The following ITPK1 variants were observed in gnomAD, a reference collection of about 807,000 sequenced individuals.
ITPK1 encodes the protein inositol-tetrakisphosphate 1-kinase, also known as inositol 1,3,4-trisphosphate 5/6-kinase.
Under a neutral mutation model 45.3 loss-of-function variants are expected in ITPK1, and 21 were observed. That is an observed-to-expected ratio of 0.46 (90% CI 0.33 to 0.67). The LOEUF (loss-of-function observed/expected upper bound fraction) is 0.67, where lower values mean the gene tolerates loss of function less well. Among genes scored for constraint, ITPK1 ranks in the 30% least tolerant of loss-of-function variants. ITPK1 has a pLI of 0.02. For synonymous variants in ITPK1, 258 were observed against 253.6 expected (o/e 1.02, Z -0.16); for missense variants, 474 against 573.5 (o/e 0.83, Z 1.77).
chr14:92,955,340 T>C (rs1019920147), intron 8 of ITPK1, among the ~76,000 whole-genome samples: 1 of 152,180 alleles, frequency 6.6e-6, no homozygotes, highest in African/African-American at 2.4e-5. Flanking sequence ...GAGGTACCAC[T>C]CATGCATGCC....
intron 5 of ITPK1, among the ~76,000 whole-genome samples, chr14:92,968,988 C>T (rs777698313): frequency 2.6e-5 from 4 of 152,136 alleles, no homozygotes; most frequent in Non-Finnish European, 5.9e-5. Context: ...TTTTGCATCC[C>T]GAGCTGCCCC....
chr14:93,052,498 A>G (rs573613537), intron 3 of ITPK1, among the ~76,000 whole-genome samples: 1 of 152,204 alleles, frequency 6.6e-6, no homozygotes, highest in African/African-American at 2.4e-5. Context: ...TGACCCAGGG[A>G]GGCCTGGTCT....
At chr14:93,090,615 G>C (rs28552716) in intron 2 of ITPK1, among the ~76,000 whole-genome samples, 3 of 152,060 alleles carry the variant, frequency 2.0e-5, no homozygotes. Flanking sequence ...GGTGGGCAAC[G>C]GGGGCTTTTC....
chr14:93,073,565 C>T (rs374016358), intron 3 of ITPK1, among the ~76,000 whole-genome samples: 1 of 152,350 alleles, frequency 6.6e-6, no homozygotes, highest in South Asian at 2.1e-4. Flanking sequence ...CATGACCAAC[C>T]GACCTCCGGT....
chr14:92,953,844 A>T (rs1331675868), intron 8 of ITPK1, among the ~76,000 whole-genome samples: 1 of 152,210 alleles, frequency 6.6e-6, no homozygotes, highest in East Asian at 1.9e-4. Flanking sequence ...GAAGAGCTGG[A>T]GTCCAGGACA....
chr14:93,021,332 C>T (rs1205093133), intron 3 of ITPK1, among the ~76,000 whole-genome samples: 2 of 152,040 alleles, frequency 1.3e-5, no homozygotes, highest in Admixed American at 1.3e-4. Flanking sequence ...GTGGCTTGTG[C>T]CTGTAATCCC....
At chr14:93,067,759 G>A (rs1229197612) in intron 3 of ITPK1, 1 of 152,450 alleles carries the variant, frequency 6.6e-6, no homozygotes, top group Non-Finnish European at 1.5e-5. Flanking sequence ...AGCACCTCAT[G>A]TATCATCATT....
At chr14:92,945,114 G>A (rs763361035) in intron 10 of ITPK1, among the ~76,000 whole-genome samples, 1 of 152,354 alleles carries the variant, frequency 6.6e-6, no homozygotes, top group South Asian at 2.1e-4. Context: ...GCCTCCTCCA[G>A]ACAGGGGTGA....
At chr14:93,064,769 T>A (rs1890680442) in intron 3 of ITPK1, among the ~76,000 whole-genome samples, 1 of 152,202 alleles carries the variant, frequency 6.6e-6, no homozygotes, top group Non-Finnish European at 1.5e-5. Flanking sequence ...GAAAGGGCTG[T>A]CTCTGCCTAC....
Position 92,937,135 on chromosome 14 carries a change from G to T in ITPK1, c.*4426C>A, listed in dbSNP as rs937675494. 4.6e-5 allele frequency: 7 copies of T among 152,262 alleles called. No homozygotes were observed. Among genetic ancestry groups the T allele is most frequent in the African/African-American group, 1.2e-4 (5 of 41,460 alleles). The allele number at this position is 152,262 out of a possible 1,614,324, so 9.4% of individuals were successfully genotyped here. A position where few individuals can be genotyped will look rare whatever the true frequency, so the allele number is the denominator to read the frequency against. ...TGTCCTAACCTCATGGAGTGAACAT[G>T]CGACCAGGCGAATGAGCCAATGGAC... On this transcript the variant is annotated 3_prime_UTR_variant, in exon 11 of 11. Transcript: ENST00000267615.
At chr14:92,962,977 C>A (rs1463125011) in intron 5 of ITPK1, 128 bp from the exon 6 acceptor site, 4 of 597,016 alleles carry the variant, frequency 6.7e-6, no homozygotes. Flanking sequence ...CCGTCCCCAA[C>A]CTCTGCAGTC....
At chr14:92,949,009 T>A (rs1329384561) in intron 9 of ITPK1, among the ~76,000 whole-genome samples, 3 of 151,244 alleles carry the variant, frequency 2.0e-5, no homozygotes, top group Non-Finnish European at 4.4e-5. Flanking sequence ...CTCAAGGCCT[T>A]GGTGTCGTAT....
rs553131528 is a variant in ITPK1 at position 92,984,262 on chromosome 14, C to T, written c.364+9618G>A. On this transcript the variant is annotated intron_variant, in intron 5 of 10. Transcript: ENST00000267615. ...ACTCAAGAACAGACCTGTGCAGGGC[C>T]GGAAGTGAGGGCGGCCAGAAGGCAC... Among the ~76,000 whole-genome samples the T allele has an allele frequency of 4.5e-4, 69 of 152,220 alleles. 1 individual carries two copies. The highest frequency in any genetic ancestry group is 1.4e-3 in the African/African-American group (60 of 41,516).
intron 4 of ITPK1, among the ~76,000 whole-genome samples, chr14:93,015,813 A>G (rs759639610): frequency 6.6e-6 from 1 of 152,196 alleles, no homozygotes; most frequent in East Asian, 1.9e-4. Context: ...GGGAGAGAAC[A>G]GTGTCGGCAG....
chr14:92,964,006 A>G (rs955250276), intron 5 of ITPK1, among the ~76,000 whole-genome samples: 2 of 152,212 alleles, frequency 1.3e-5, no homozygotes, highest in Non-Finnish European at 1.5e-5. Context: ...TTGGCTGGCT[A>G]GGAGGTCAGG....
intron 2 of ITPK1, among the ~76,000 whole-genome samples, chr14:93,085,328 G>A (rs1047700928): frequency 6.6e-6 from 1 of 152,180 alleles, no homozygotes; most frequent in Non-Finnish European, 1.5e-5. Context: ...TGACTGGGGA[G>A]TCACCAACCA....
chr14:92,984,224 A>G (rs1886379412), intron 5 of ITPK1, among the ~76,000 whole-genome samples: 1 of 152,192 alleles, frequency 6.6e-6, no homozygotes, highest in Non-Finnish European at 1.5e-5. Flanking sequence ...GGCCCCACAC[A>G]CTAATACAGG....
intron 8 of ITPK1, among the ~76,000 whole-genome samples, chr14:92,953,472 A>G (rs1194655496): frequency 2.6e-5 from 4 of 152,274 alleles, no homozygotes; most frequent in African/African-American, 7.2e-5. Context: ...TGGGGATGGC[A>G]TAAGCCCTGT....
rs1224027184 is a variant in ITPK1 at position 92,938,889 on chromosome 14, C to A, written c.*2672G>T. The A allele has an allele frequency of 8.4e-6, 3 of 358,348 alleles. No individual in the cohort carries two copies. Among genetic ancestry groups the A allele is most frequent in the Non-Finnish European group, 1.6e-5 (3 of 193,142 alleles). The allele number at this position is 358,348 out of a possible 1,614,324, so 22.2% of individuals were successfully genotyped here. On this transcript the variant is annotated 3_prime_UTR_variant, in exon 11 of 11. Coordinates refer to ENST00000267615, the MANE Select transcript of ITPK1 (RefSeq NM_014216.6). Reference sequence around the variant, plus strand: ...GGCCTCAGCCCCAGGGTGCTCAATGCAGACTGTGCAGGTGACCCTCTGAAA... The same window carrying A: ...GGCCTCAGCCCCAGGGTGCTCAATGAAGACTGTGCAGGTGACCCTCTGAAA...
Sources: allele counts gnomAD v4.1 joint callset (sites outside exome capture counted in the v4.1 genomes callset), GRCh38; gene constraint gnomAD v4.1.1; transcripts MANE v1.5; gene names NCBI Gene and HGNC (gene_info 2026-07-23, HGNC 2026-07-21).